Variants in ROBO2 observed in about 807,000 individuals in gnomAD.
ROBO2 encodes the protein roundabout guidance receptor 2, also known as roundabout homolog 2.
ROBO2 carries 53 observed loss-of-function variants against 160.8 expected under a neutral mutation model. The ratio of observed to expected loss-of-function variants is 0.33; its 90% CI spans 0.26 to 0.41. The LOEUF is 0.41. ROBO2 is among the 10% of genes least tolerant of loss of function. ROBO2 has a pLI of 1.00. For missense variants in ROBO2, 1,577 were observed against 1,722.4 expected, an observed-to-expected ratio of 0.92 and a Z score of 1.49; for synonymous variants, 664 against 611.7, an observed-to-expected ratio of 1.09 and a Z score of -1.26.
intron 2 of ROBO2, among the ~76,000 whole-genome samples, chr3:77,240,090 T>C (rs2088765541): frequency 6.6e-6 from 1 of 152,184 alleles, no homozygotes; most frequent in Non-Finnish European, 1.5e-5. Flanking sequence ...GCTGCGCTCC[T>C]GCACTCCTCA....
intron 2 of ROBO2, among the ~76,000 whole-genome samples, chr3:76,923,124 G>A (rs1012172175): frequency 3.9e-5 from 6 of 152,104 alleles, no homozygotes; most frequent in Non-Finnish European, 8.8e-5. Context: ...ATTCCTTCTG[G>A]TGTCCCCAGG....
At chr3:77,546,692 A>G (rs1298279205) in intron 7 of ROBO2, among the ~76,000 whole-genome samples, 2 of 152,156 alleles carry the variant, frequency 1.3e-5, no homozygotes, top group African/African-American at 4.8e-5. Context: ...GAACAGCAAT[A>G]AAGCAGTGTA....
chr3:76,467,758 T>C (rs768911845), intron 2 of ROBO2, among the ~76,000 whole-genome samples: 1 of 152,096 alleles, frequency 6.6e-6, no homozygotes, highest in Non-Finnish European at 1.5e-5. Flanking sequence ...ACCAAAATTA[T>C]AGTATTCCAA....
intron 2 of ROBO2, among the ~76,000 whole-genome samples, chr3:77,206,647 T>A (rs921009748): frequency 2.6e-5 from 4 of 152,230 alleles, no homozygotes; most frequent in Admixed American, 2.0e-4. Context: ...ATAAAGAAGA[T>A]AATATATATT....
chr3:77,246,559 A>C (rs1481701917), intron 2 of ROBO2, among the ~76,000 whole-genome samples: 1 of 152,176 alleles, frequency 6.6e-6, no homozygotes, highest in Non-Finnish European at 1.5e-5. Flanking sequence ...GAGAAACATG[A>C]GACTTCAAAA....
chr3:77,187,662 C>A (rs1023391183), intron 2 of ROBO2, among the ~76,000 whole-genome samples: 4 of 151,820 alleles, frequency 2.6e-5, no homozygotes, highest in African/African-American at 9.7e-5. Context: ...GCAATCTCTT[C>A]AATTTTATTT....
chr3:76,817,373 C>T (rs769610358), intron 2 of ROBO2, among the ~76,000 whole-genome samples: 3 of 151,952 alleles, frequency 2.0e-5, no homozygotes, highest in South Asian at 2.1e-4. Flanking sequence ...TTTTGTGTTT[C>T]TCAGGGCATC....
intron 2 of ROBO2, among the ~76,000 whole-genome samples, chr3:77,375,792 C>T (rs1176187690): frequency 6.7e-6 from 1 of 149,760 alleles, no homozygotes; most frequent in South Asian, 2.1e-4. Context: ...TGCAGCCCTA[C>T]CCCTTTCCCA....
At chr3:76,293,183 C>G (rs936748012) in intron 2 of ROBO2, among the ~76,000 whole-genome samples, 1 of 152,154 alleles carries the variant, frequency 6.6e-6, no homozygotes, top group African/African-American at 2.4e-5. Context: ...CTAGAATACA[C>G]TGAGACCCGA....
intron 9 of ROBO2, among the ~76,000 whole-genome samples, chr3:77,561,401 A>G (rs950317030): frequency 6.6e-6 from 1 of 152,248 alleles, no homozygotes; most frequent in African/African-American, 2.4e-5. Context: ...ATTGATGAGA[A>G]TGAATGTTGT....
intron 2 of ROBO2, among the ~76,000 whole-genome samples, chr3:76,064,345 G>C (rs1049580950): frequency 6.6e-5 from 10 of 152,154 alleles, no homozygotes; most frequent in Admixed American, 6.5e-4. Flanking sequence ...TGCTGAGGAA[G>C]CTCGGCTGCA....
chr3:76,831,719 AG>A (rs1289295965), intron 2 of ROBO2, among the ~76,000 whole-genome samples: 2 of 152,176 alleles, frequency 1.3e-5, no homozygotes, highest in African/African-American at 2.4e-5. Context: ...AACTATTGTT[AG>A]GATGCTTTGA....
At chr3:77,348,995 G>T (rs1333489529) in intron 2 of ROBO2, among the ~76,000 whole-genome samples, 1 of 151,584 alleles carries the variant, frequency 6.6e-6, no homozygotes, top group Non-Finnish European at 1.5e-5. Flanking sequence ...TGCAATCCCC[G>T]CCTGCACCTG....
Position 76,138,714 on chromosome 3 carries a change from G to A in ROBO2, c.109+201112G>A, listed in dbSNP as rs139242262. On this transcript the variant is annotated intron_variant, in intron 2 of 26. Transcript: ENST00000487694. The stretch of plus-strand genomic sequence containing the variant: ...TGTCCACAGAATCCAATTATTTGTA[G>A]TATTACAGTGAAATCATGTAAGAAC... Among the ~76,000 whole-genome samples, 631 of 152,172 alleles carry A rather than the reference G, an allele frequency of 4.1e-3. 4 individuals carry two copies. The highest frequency in any genetic ancestry group is 0.014 in the African/African-American group (578 of 41,546).
rs189835449 is a variant in ROBO2, at chr3:77,223,383, C to G, written c.388+125043C>G. Reference sequence around the variant, plus strand: ...AACTAAATATGGTTAACTTATTTTCCTAGGAGAAGAGAACAACTAAAACAG... The same window carrying G: ...AACTAAATATGGTTAACTTATTTTCGTAGGAGAAGAGAACAACTAAAACAG... On this transcript the variant is annotated intron_variant, in intron 2 of 25. Transcript: ENST00000461745. Among the ~76,000 whole-genome samples the G allele has an allele frequency of 2.1e-3, 319 of 151,722 alleles. 3 individuals are homozygous for G. Among genetic ancestry groups the G allele is most frequent in the African/African-American group, 7.4e-3 (307 of 41,432 alleles).
chr3:76,792,866 A>G (rs2063455768), intron 2 of ROBO2, among the ~76,000 whole-genome samples: 1 of 151,824 alleles, frequency 6.6e-6, no homozygotes, highest in Non-Finnish European at 1.5e-5. Flanking sequence ...ATTTAAATGC[A>G]TGGCACTCTC....
intron 2 of ROBO2, among the ~76,000 whole-genome samples, chr3:76,487,841 A>G (rs2079582776): frequency 6.6e-6 from 1 of 152,192 alleles, no homozygotes; most frequent in Non-Finnish European, 1.5e-5. Flanking sequence ...GCTGCCCACA[A>G]TTCCACATGA....
intron 2 of ROBO2, among the ~76,000 whole-genome samples, chr3:76,340,085 C>CG: frequency 6.9e-6 from 1 of 144,588 alleles, no homozygotes; most frequent in African/African-American, 2.5e-5. Context: ...GAACCAATTG[C>CG]AAAAAAAAAA....
intron 2 of ROBO2, among the ~76,000 whole-genome samples, chr3:75,955,644 AAGAT>A (rs1295970414): frequency 6.6e-6 from 1 of 151,762 alleles, no homozygotes; most frequent in Admixed American, 6.6e-5. Flanking sequence ...AATAAAAAAA[AAGAT>A]AATGTTTGCA....
Sources: allele counts gnomAD v4.1 joint callset (sites outside exome capture counted in the v4.1 genomes callset), GRCh38; gene constraint gnomAD v4.1.1; transcripts MANE v1.5; gene names NCBI Gene and HGNC (gene_info 2026-07-23, HGNC 2026-07-21).